The following NKD2 variants were observed in gnomAD, a reference collection of about 807,000 sequenced individuals.
The protein encoded by NKD2 is NKD inhibitor of Wnt signaling pathway 2.
A neutral mutation model predicts 34.8 loss-of-function variants in NKD2; 43 were observed. The ratio of observed to expected loss-of-function variants is 1.24; its 90% CI spans 0.97 to 1.60. NKD2 has a LOEUF of 1.60. Among genes scored for constraint, NKD2 ranks in the 40% most tolerant of loss-of-function variants. NKD2 has a pLI of 0.00. For synonymous variants in NKD2, 278 were observed against 265.1 expected (o/e 1.05, Z -0.47); for missense variants, 675 against 627.1 (o/e 1.08, Z -0.82).
intron 9 of NKD2, chr5:1,037,538 AGAG>A: frequency 6.5e-7 from 1 of 1,535,896 alleles, no homozygotes. Context: ...CTGTGCGAGA[AGAG>A]AAGCTCCGCT....
chr5:1,012,321 C>A (rs1324661168), intron 3 of NKD2, among the ~76,000 whole-genome samples: 1 of 152,262 alleles, frequency 6.6e-6, no homozygotes, highest in Non-Finnish European at 1.5e-5. Flanking sequence ...TCGTGACAGA[C>A]CAGCCAGTGC....
At position 1,038,458 on chromosome 5, in the gene NKD2, C is replaced by A. The variant is rs1195379592; in HGVS notation, c.*85C>A. ...AGCAGAGCAGCTGCCGGCTGTGTGC[C>A]CATGGGGAGCCCAGCCCCCACCCCC... On this transcript the variant is annotated 3_prime_UTR_variant, in exon 10 of 10. Transcript: ENST00000296849. This position sits in a 1 kb window ranked among gnomAD's most constrained non-coding sequence, Gnocchi z 4.5. 1 of 1,535,470 alleles carries A rather than the reference C, an allele frequency of 6.5e-7. No homozygotes were observed. Among genetic ancestry groups the A allele is most frequent in the Non-Finnish European group, 8.7e-7 (1 of 1,146,644 alleles).
At position 1,009,600 on chromosome 5, in the gene NKD2, C is replaced by T. The variant is rs1349045628; in HGVS notation, c.141+40C>T. 1.4e-6 allele frequency: 2 copies of T among 1,386,550 alleles called. No individual in the cohort carries two copies. The highest frequency in any genetic ancestry group is 9.3e-7 in the Non-Finnish European group (1 of 1,076,588). 85.9% of individuals were successfully genotyped at this position (1,386,550 alleles called of 1,614,324 possible). ...GGAGGCTGGGGTCGCGCTGCGCACCCGCCCGGGGGCGGGGAGCGGTGTCAG... is the reference window on the plus strand; with the variant it reads ...GGAGGCTGGGGTCGCGCTGCGCACCTGCCCGGGGGCGGGGAGCGGTGTCAG... On this transcript the variant is annotated intron_variant, in intron 3 of 9. Transcript: ENST00000296849. This position sits in a 1 kb window ranked among gnomAD's most constrained non-coding sequence, Gnocchi z 6.9.
chr5:1,018,040 T>C (rs1488708141), intron 3 of NKD2, among the ~76,000 whole-genome samples: 2 of 152,108 alleles, frequency 1.3e-5, no homozygotes, highest in African/African-American at 2.4e-5. Flanking sequence ...GCTTCCAGGC[T>C]GGGCAGCCAC....
Position 1,033,463 on chromosome 5 carries a change from C to T in NKD2, c.294C>T (p.Gly98=). 5.1e-6 allele frequency: 8 copies of T among 1,556,752 alleles called. No homozygotes were observed. Among genetic ancestry groups the T allele is most frequent in the South Asian group, 1.2e-5 (1 of 84,520 alleles). ...DDGERAANRE[G]PRGPGGQRLN... ...GAGAGAGGGCAGCAAACCGCGAGGGCCCGCGAGGACCGGGCGGGCAGCGCC... is the reference window on the plus strand; with the variant it reads ...GAGAGAGGGCAGCAAACCGCGAGGGTCCGCGAGGACCGGGCGGGCAGCGCC... Residue 98 remains glycine (G), a synonymous_variant, in exon 5 of 10, where the codon GGC becomes GGT. Transcript: ENST00000296849.
In NKD2 at chr5:1,009,469, C is replaced by T. The variant is rs184806066; in HGVS notation, c.62-12C>T. The T allele has an allele frequency of 6.1e-3, 9,184 of 1,494,966 alleles. 34 individuals carry two copies. The highest frequency in any genetic ancestry group is 7.1e-3 in the Non-Finnish European group (8,067 of 1,129,712). 92.6% of individuals were successfully genotyped at this position (1,494,966 alleles called of 1,614,324 possible). A position where few individuals can be genotyped will look rare whatever the true frequency, so the allele number is the denominator to read the frequency against. On this transcript the variant is annotated splice_polypyrimidine_tract_variant and intron_variant, in intron 2 of 9. Transcript: ENST00000296849. The surrounding 1 kb of genome is among the most constrained non-coding windows in gnomAD (Gnocchi z 6.9). ...GGTGCGGGTTTCCCGCGCGTCCGCC[C>T]CCGGACCGCAGGGGACAGCTTCGTG...
At chr5:1,036,476 C>T (rs1231558299) in intron 9 of NKD2, 92 bp downstream of exon 9, 12 of 985,370 alleles carry the variant, frequency 1.2e-5, no homozygotes, top group Non-Finnish European at 1.8e-5. Flanking sequence ...CAGGGGGCCC[C>T]TCCCTGCCCT....
intron 4 of NKD2, among the ~76,000 whole-genome samples, chr5:1,032,633 G>A (rs964614195): frequency 2.6e-5 from 4 of 152,228 alleles, no homozygotes; most frequent in South Asian, 2.1e-4. Flanking sequence ...CCTGTGGCGC[G>A]TGGCAGGTCA....
chr5:1,034,113 C>T (rs2150748041), intron 5 of NKD2, 122 bp from the exon 6 acceptor site: 2 of 695,490 alleles, frequency 2.9e-6, no homozygotes, highest in East Asian at 5.4e-5. Flanking sequence ...CCTCTAGGCT[C>T]CGCCTTTCCT....
rs865787755 is a variant in NKD2 at position 1,026,599 on chromosome 5, C to T, written c.142-5553C>T. Among the ~76,000 whole-genome samples the T allele has an allele frequency of 5.8e-4, 41 of 70,410 alleles. 1 individual carries two copies. The Middle Eastern group carries it at 0.033, about 57-fold the overall frequency. The allele number at this position is 70,410 out of a possible 152,430, so 46.2% of individuals were successfully genotyped here. A position where few individuals can be genotyped will look rare whatever the true frequency, so the allele number is the denominator to read the frequency against. ...TCCCAGCCCATTGTCCCTGCTCTTC[C>T]CACCCACTGTGGGTGTCCCAGCCCT... On this transcript the variant is annotated intron_variant, in intron 3 of 9. Coordinates refer to ENST00000296849, the MANE Select transcript of NKD2 (RefSeq NM_033120.4).
At chr5:1,031,919 C>T (rs554797591) in intron 3 of NKD2, among the ~76,000 whole-genome samples, 1 of 152,300 alleles carries the variant, frequency 6.6e-6, no homozygotes, top group Admixed American at 6.5e-5. Flanking sequence ...GCATCTTCTA[C>T]CTGGAAATGC....
At chr5:1,026,188 C>T (rs1473691057) in intron 3 of NKD2, among the ~76,000 whole-genome samples, 1 of 64,164 alleles carries the variant, frequency 1.6e-5, no homozygotes, top group African/African-American at 4.3e-5. Flanking sequence ...CCTGCTCTTC[C>T]CACCCTCTGT....
intron 3 of NKD2, among the ~76,000 whole-genome samples, chr5:1,012,350 C>T (rs976527423): frequency 1.3e-4 from 20 of 152,238 alleles, no homozygotes; most frequent in African/African-American, 4.8e-4. Context: ...GGCCGTGGCC[C>T]TGGCCTGCAC....
At chr5:1,033,564 A>G in intron 5 of NKD2, 65 bp downstream of exon 5, 2 of 1,496,858 alleles carry the variant, frequency 1.3e-6, no homozygotes, top group Non-Finnish European at 1.8e-6. Flanking sequence ...AGGGACAGGC[A>G]TGTGTTGCCC....
At position 1,038,289 on chromosome 5, in the gene NKD2, G is replaced by A. The variant is rs538023225; in HGVS notation, c.1272G>A (p.Ala424=). 38 of 1,558,480 alleles carry A rather than the reference G, an allele frequency of 2.4e-5. No homozygotes were observed. The Middle Eastern group carries it at 1.7e-3, about 69-fold the overall frequency. Residue 424 remains alanine (A), a synonymous_variant, in exon 10 of 10, where the codon GCG becomes GCA. Coordinates refer to ENST00000296849, the MANE Select transcript of NKD2 (RefSeq NM_033120.4). This position sits in a 1 kb window ranked among gnomAD's most constrained non-coding sequence, Gnocchi z 4.5. ...CCACGCCAGCAGGAGAGGGCTACGC[G>A]GTGCCAGTGATCCAGCGGCACGAGC... ...LPPTPAGEGY[A]VPVIQRHEHH...
intron 3 of NKD2, among the ~76,000 whole-genome samples, chr5:1,021,933 G>A (rs528651602): frequency 2.6e-5 from 4 of 152,198 alleles, no homozygotes; most frequent in Admixed American, 6.5e-5. Flanking sequence ...CTGCTGCTCC[G>A]GGCCCCTCCC....
chr5:1,029,822 G>A (rs779760804), intron 3 of NKD2, among the ~76,000 whole-genome samples: 7 of 152,214 alleles, frequency 4.6e-5, no homozygotes, highest in Non-Finnish European at 8.8e-5. Flanking sequence ...TCTGGGCAGC[G>A]ATGTGGCCTC....
chr5:1,033,068 C>A (rs557002073), intron 4 of NKD2, among the ~76,000 whole-genome samples: 1 of 152,130 alleles, frequency 6.6e-6, no homozygotes, highest in African/African-American at 2.4e-5. Flanking sequence ...CAGGGAGCAT[C>A]TCCTGGAGGC....
intron 8 of NKD2, chr5:1,035,746 A>G (rs12657578): frequency 0.51 from 253,680 of 495,622 alleles, 66,259 homozygotes; most frequent in East Asian, 0.67. Context: ...GCTGTGGCTC[A>G]CTGTGGCTCC....
Sources: gnomAD v4.1 joint callset for allele counts (sites outside exome capture counted in the v4.1 genomes callset) on GRCh38, gnomAD v4.1.1 for gene constraint, Gnocchi (gnomAD v3.1) non-coding constraint, MANE v1.5 for transcripts, NCBI Gene and HGNC (gene_info 2026-07-23, HGNC 2026-07-21) for gene names.